WDR76: variants seen among roughly 807,000 people sequenced by gnomAD.
The protein encoded by WDR76 is WD repeat domain 76.
Under a neutral mutation model 70.2 loss-of-function variants are expected in WDR76, and 52 were observed. That is an observed-to-expected ratio of 0.74 (90% CI 0.59 to 0.93). The LOEUF (loss-of-function observed/expected upper bound fraction) is 0.93. Among genes scored for constraint, WDR76 ranks in the 40% least tolerant of loss-of-function variants. The pLI is 0.00. For missense variants in WDR76, 756 were observed against 760.2 expected, an observed-to-expected ratio of 0.99 and a Z score of 0.07; for synonymous variants, 292 against 271.1, an observed-to-expected ratio of 1.08 and a Z score of -0.76.
intron 2 of WDR76, among the ~76,000 whole-genome samples, chr15:43,831,678 G>C (rs748300987): frequency 2.0e-5 from 3 of 151,690 alleles, no homozygotes; most frequent in African/African-American, 4.8e-5. Context: ...GACCTCAAGT[G>C]ATCTGCCTGC....
rs1484522667 is a variant in WDR76 at position 43,842,267 on chromosome 15, C to G, written c.733-148C>G. The G allele has an allele frequency of 1.9e-5, 12 of 636,802 alleles. No homozygotes were observed. The East Asian group carries it at 3.1e-4, about 16-fold the overall frequency. The allele number at this position is 636,802 out of a possible 1,614,324, so 39.4% of individuals were successfully genotyped here. A position where few individuals can be genotyped will look rare whatever the true frequency, so the allele number is the denominator to read the frequency against. On this transcript the variant is annotated intron_variant, in intron 5 of 12. Transcript: ENST00000263795. Reference sequence around the variant, plus strand: ...GGGTACCTGGCATTCATTTATTGAACAATTATTTTGAATGTCCATGATATG... The same window carrying G: ...GGGTACCTGGCATTCATTTATTGAAGAATTATTTTGAATGTCCATGATATG...
intron 8 of WDR76, among the ~76,000 whole-genome samples, chr15:43,849,984 G>T (rs1158645503): frequency 6.6e-6 from 1 of 152,022 alleles, no homozygotes; most frequent in Non-Finnish European, 1.5e-5. Flanking sequence ...GAGTATGTGT[G>T]ATTATAATAA....
At chr15:43,849,285 T>C (rs756197903) in intron 8 of WDR76, among the ~76,000 whole-genome samples, 5 of 152,126 alleles carry the variant, frequency 3.3e-5, no homozygotes, top group Non-Finnish European at 5.9e-5. Flanking sequence ...ATGACTACAA[T>C]TGCTTTTTGT....
intron 12 of WDR76, among the ~76,000 whole-genome samples, chr15:43,863,148 G>T (rs1178823846): frequency 6.6e-6 from 1 of 151,968 alleles, no homozygotes; most frequent in Admixed American, 6.6e-5. Flanking sequence ...ATGTTGGCCA[G>T]GCTGGTTTTG....
intron 4 of WDR76, among the ~76,000 whole-genome samples, chr15:43,836,995 G>T (rs1207556819): frequency 1.3e-5 from 2 of 148,808 alleles, no homozygotes; most frequent in Non-Finnish European, 3.0e-5. Context: ...AGCCAAGATT[G>T]CACCATTGCA....
chr15:43,850,378 C>T (rs913820215), intron 8 of WDR76, among the ~76,000 whole-genome samples: 2 of 151,946 alleles, frequency 1.3e-5, no homozygotes, highest in Admixed American at 6.6e-5. Context: ...TCACTGCAAG[C>T]TCCACCTCCC....
chr15:43,849,946 C>T (rs1314629566), intron 8 of WDR76, among the ~76,000 whole-genome samples: 1 of 152,088 alleles, frequency 6.6e-6, no homozygotes, highest in Non-Finnish European at 1.5e-5. Flanking sequence ...ACAAATATGT[C>T]AGTAGTTTCT....
chr15:43,844,102 T>C (rs2087757878), intron 8 of WDR76, 48 bp downstream of exon 8: 1 of 1,577,316 alleles, frequency 6.3e-7, no homozygotes, highest in Non-Finnish European at 8.7e-7. Context: ...CTAAAGCAAA[T>C]AGGCTGGAAG....
intron 12 of WDR76, 67 bp downstream of exon 12, chr15:43,861,453 T>G (rs997854279): frequency 1.5e-6 from 2 of 1,363,332 alleles, no homozygotes; most frequent in Non-Finnish European, 2.1e-6. Flanking sequence ...AGTGCATACA[T>G]TAGACATCTG....
At chr15:43,835,623 C>CTG (rs1479619135) in intron 3 of WDR76, among the ~76,000 whole-genome samples, 1 of 151,280 alleles carries the variant, frequency 6.6e-6, no homozygotes. Flanking sequence ...GAAGAGGTTA[C>CTG]TGTACTCTGT....
chr15:43,828,889 G>C (rs995556708), intron 2 of WDR76, among the ~76,000 whole-genome samples: 19 of 141,804 alleles, frequency 1.3e-4, no homozygotes, highest in African/African-American at 4.8e-4. Context: ...TAAGGAATTT[G>C]GTGTGTAATT....
At chr15:43,864,243 A>C (rs569285788) in intron 12 of WDR76, among the ~76,000 whole-genome samples, 1 of 152,220 alleles carries the variant, frequency 6.6e-6, no homozygotes, top group Non-Finnish European at 1.5e-5. Flanking sequence ...TATCTCATAG[A>C]TAGTTCATTT....
intron 8 of WDR76, among the ~76,000 whole-genome samples, chr15:43,850,803 G>A (rs1218772129): frequency 6.6e-6 from 1 of 152,104 alleles, no homozygotes; most frequent in East Asian, 1.9e-4. Flanking sequence ...CATTTCCTGA[G>A]GATTTTATAA....
intron 4 of WDR76, among the ~76,000 whole-genome samples, chr15:43,837,057 CAAAA>C (rs939046687): frequency 2.1e-5 from 3 of 140,306 alleles, no homozygotes; most frequent in Non-Finnish European, 4.7e-5. Context: ...AAAAAAAAAA[CAAAA>C]AAAAACAACT....
chr15:43,865,454 G>A (rs2088059000), intron 12 of WDR76, among the ~76,000 whole-genome samples: 1 of 152,152 alleles, frequency 6.6e-6, no homozygotes. Flanking sequence ...CCTATTTTTA[G>A]TAGAGACGGG....
At chr15:43,858,532 C>T in intron 10 of WDR76, 139 bp from the exon 11 acceptor site, 1 of 1,101,844 alleles carries the variant, frequency 9.1e-7, no homozygotes. Context: ...AGACTTGAGC[C>T]ACCGCACCTG....
Position 43,828,495 on chromosome 15 carries a change from T to A in WDR76, c.462+129T>A, listed in dbSNP as rs1016658655. 7.5e-6 allele frequency: 6 copies of A among 799,496 alleles called. No homozygotes were observed. The African/African-American group carries it at 1.0e-4, about 14-fold the overall frequency. 49.5% of individuals were successfully genotyped at this position (799,496 alleles called of 1,614,324 possible). A position where few individuals can be genotyped will look rare whatever the true frequency, so the allele number is the denominator to read the frequency against. On this transcript the variant is annotated intron_variant, in intron 2 of 12. Transcript: ENST00000263795. The stretch of plus-strand genomic sequence containing the variant: ...TCATCATCTAATGTAAGTATAAATG[T>A]AATAATACATTTTTATTATTTTTAA...
intron 8 of WDR76, 126 bp downstream of exon 8, chr15:43,844,180 TTA>T (rs1462288254): frequency 2.5e-6 from 2 of 797,460 alleles, no homozygotes; most frequent in Admixed American, 3.6e-5. Flanking sequence ...TTATGATGCT[TTA>T]TGATTCCAAA....
chr15:43,834,993 T>C (rs2087636980), intron 2 of WDR76, 68 bp from the exon 3 acceptor site: 1 of 1,269,566 alleles, frequency 7.9e-7, no homozygotes, highest in Admixed American at 1.8e-5. Flanking sequence ...ATGAAACATG[T>C]AGTTTTGTGA....
Sources: allele counts gnomAD v4.1 joint callset (sites outside exome capture counted in the v4.1 genomes callset), GRCh38; gene constraint gnomAD v4.1.1; transcripts MANE v1.5; gene names NCBI Gene and HGNC (gene_info 2026-07-23, HGNC 2026-07-21).